The following SRGAP2 variants were observed in gnomAD, a reference collection of about 807,000 sequenced individuals.
The protein encoded by SRGAP2 is SLIT-ROBO Rho GTPase-activating protein 2.
A neutral mutation model predicts 57.2 loss-of-function variants in SRGAP2; 15 were observed. The ratio of observed to expected loss-of-function variants is 0.26; its 90% CI spans 0.18 to 0.40. SRGAP2 has a LOEUF of 0.40. SRGAP2 is among the 10% of genes least tolerant of loss of function. The probability of loss-of-function intolerance (pLI) is 1.00; values close to 1 mark genes in which losing one functional copy is unlikely to be tolerated. For synonymous variants in SRGAP2, 249 were observed against 248.0 expected (o/e 1.00, Z -0.04); for missense variants, 520 against 669.6 (o/e 0.78, Z 2.47).
In SRGAP2 at chr1:206,453,483, G is replaced by A. The variant is rs557883003; in HGVS notation, c.2360+103G>A. The A allele has an allele frequency of 7.4e-4, 349 of 468,718 alleles. 2 individuals are homozygous for A. Among genetic ancestry groups the A allele is most frequent in the African/African-American group, 6.4e-3 (312 of 49,054 alleles). 29.0% of individuals were successfully genotyped at this position (468,718 alleles called of 1,614,324 possible). A position where few individuals can be genotyped will look rare whatever the true frequency, so the allele number is the denominator to read the frequency against. On this transcript the variant is annotated intron_variant, in intron 20 of 22. Coordinates refer to ENST00000573034, the MANE Select transcript of SRGAP2 (RefSeq NM_015326.5). ...GGACTATGAGGGAGGCCAACCCCTG[G>A]GGGGTCCAGTGCAGTCCTGAGGCTC... is the stretch of plus-strand genomic sequence containing the variant.
At chr1:206,373,205 C>T (rs547045029) in intron 4 of SRGAP2, among the ~76,000 whole-genome samples, 72 of 144,868 alleles carry the variant, frequency 5.0e-4, no homozygotes, top group African/African-American at 1.7e-3. Context: ...AAGCAGTTCT[C>T]CCGCCTCAGC....
At chr1:206,420,544 G>T (rs1282305338) in intron 12 of SRGAP2, among the ~76,000 whole-genome samples, 3 of 152,150 alleles carry the variant, frequency 2.0e-5, no homozygotes, top group African/African-American at 4.8e-5. Context: ...TAGATTCAAG[G>T]TGTCGTAGGA....
intron 1 of SRGAP2, chr1:206,205,158 C>G (rs1665799289): frequency 6.6e-6 from 1 of 152,270 alleles, no homozygotes. Context: ...GCCGAGGTGC[C>G]GCAGTCCCCG....
intron 14 of SRGAP2, among the ~76,000 whole-genome samples, chr1:206,432,902 G>A (rs1160350075): frequency 2.0e-5 from 3 of 152,152 alleles, no homozygotes; most frequent in African/African-American, 7.2e-5. Flanking sequence ...TGGTAATCAC[G>A]TGGCTGACTG....
chr1:206,429,664 G>A (rs568722233), intron 13 of SRGAP2, among the ~76,000 whole-genome samples: 5 of 152,370 alleles, frequency 3.3e-5, no homozygotes, highest in African/African-American at 1.2e-4. Flanking sequence ...TGGCATGCAA[G>A]GCCGTGTAAG....
At chr1:206,229,931 TACACACACAC>T (rs66901207) in intron 2 of SRGAP2, among the ~76,000 whole-genome samples, 3 of 141,662 alleles carry the variant, frequency 2.1e-5, no homozygotes, top group Non-Finnish European at 3.1e-5. Context: ...TACACATACA[TACACACACAC>T]ACACACACAC....
intron 1 of SRGAP2, chr1:206,204,912 C>CT (rs1376701644): frequency 1.5e-5 from 2 of 136,504 alleles, no homozygotes; most frequent in African/African-American, 3.3e-5. Flanking sequence ...GATTTGCCCC[C>CT]CCCCCCATCA....
chr1:206,333,220 T>A (rs1674507829), intron 3 of SRGAP2: 1 of 629,016 alleles, frequency 1.6e-6, no homozygotes, highest in African/African-American at 1.9e-5. Context: ...AAAGCTCAGA[T>A]GGAAATGCAG....
At chr1:206,273,575 C>CT (rs1464070879) in intron 2 of SRGAP2, among the ~76,000 whole-genome samples, 5 of 147,558 alleles carry the variant, frequency 3.4e-5, no homozygotes, top group Non-Finnish European at 7.4e-5. Context: ...GCTCCCTGGA[C>CT]TTTTGCTCTT....
chr1:206,227,376 G>A (rs1667340790), intron 2 of SRGAP2, among the ~76,000 whole-genome samples: 1 of 152,200 alleles, frequency 6.6e-6, no homozygotes, highest in African/African-American at 2.4e-5. Flanking sequence ...GCCATCATCT[G>A]CTAATTTCAC....
rs571104217 is a variant in SRGAP2 at position 206,424,635 on chromosome 1, A to G, written c.1494+3361A>G. 1.1e-4 allele frequency among the ~76,000 whole-genome samples: 16 copies of G among 152,348 alleles called. No individual in the cohort carries two copies. The South Asian group carries it at 2.9e-3, about 28-fold the overall frequency. On this transcript the variant is annotated intron_variant, in intron 13 of 22. Coordinates refer to ENST00000573034, the MANE Select transcript of SRGAP2 (RefSeq NM_015326.5). ...ATGCCATTGTACTCCAGCCTGGGTG[A>G]CAAGAGAGAGACTCTGTCCCAAAAT...
At position 206,389,827 on chromosome 1, in the gene SRGAP2, T is replaced by C. The variant is rs544831278; in HGVS notation, c.487-2862T>C. ...TTGCAGAACTGAGAATTTAGACTTT[T>C]CAGTTTTTCCCCATAGTTTGCATTT... On this transcript the variant is annotated intron_variant, in intron 5 of 22. Transcript: ENST00000573034. 1.6e-4 allele frequency among the ~76,000 whole-genome samples: 24 copies of C among 150,134 alleles called. No homozygotes were observed. The East Asian group carries it at 4.7e-3, about 29-fold the overall frequency.
chr1:206,433,748 C>T (rs1553369072), intron 14 of SRGAP2, among the ~76,000 whole-genome samples: 1 of 151,832 alleles, frequency 6.6e-6, no homozygotes, highest in African/African-American at 2.4e-5. Context: ...ATAACGTAAC[C>T]ACAATGAAGA....
rs1234339175 is a variant in SRGAP2, at chr1:206,289,026, C to CTT, written c.68-14248_68-14247dup. Among the ~76,000 whole-genome samples, 23 of 42,250 alleles carry CTT rather than the reference C, an allele frequency of 5.4e-4. No homozygotes were observed. In the East Asian group the frequency reaches 0.012, roughly 23 times the overall value. 27.7% of individuals were successfully genotyped at this position (42,250 alleles called of 152,430 possible). ...TGCATTTATTGTGAGTCTCTTAAGC[C>CTT]TTTTTTTTACACACCATTAATTAGA... On this transcript the variant is annotated intron_variant, in intron 2 of 22. Coordinates refer to ENST00000573034, the MANE Select transcript of SRGAP2 (RefSeq NM_015326.5).
intron 4 of SRGAP2, among the ~76,000 whole-genome samples, chr1:206,370,005 C>T (rs1553342305): frequency 6.6e-6 from 1 of 151,182 alleles, no homozygotes; most frequent in African/African-American, 2.4e-5. Flanking sequence ...GTGGCTCACG[C>T]CTGTAATCCC....
intron 2 of SRGAP2, among the ~76,000 whole-genome samples, chr1:206,283,937 G>A (rs1272013990): frequency 1.2e-4 from 15 of 126,622 alleles, no homozygotes; most frequent in Non-Finnish European, 6.4e-5. Context: ...TTATGTAAGC[G>A]TGTGATTTGT....
intron 22 of SRGAP2, among the ~76,000 whole-genome samples, chr1:206,459,264 A>C (rs564130836): frequency 1.3e-5 from 2 of 152,280 alleles, no homozygotes; most frequent in African/African-American, 4.8e-5. Context: ...TTTGAGTCTA[A>C]AGACCTTGGT....
At chr1:206,351,194 AGAG>A (rs1423669994) in intron 4 of SRGAP2, among the ~76,000 whole-genome samples, 2 of 151,996 alleles carry the variant, frequency 1.3e-5, no homozygotes, top group African/African-American at 2.4e-5. Context: ...ATAAATAAGA[AGAG>A]GAGAAGTGGT....
intron 3 of SRGAP2, among the ~76,000 whole-genome samples, chr1:206,309,105 A>G (rs1407637146): frequency 1.4e-4 from 20 of 144,916 alleles, no homozygotes; most frequent in African/African-American, 5.4e-4. Context: ...GTTGGAGCCT[A>G]CAGTGAGCTA....
Sources: allele counts gnomAD v4.1 joint callset (sites outside exome capture counted in the v4.1 genomes callset), GRCh38; gene constraint gnomAD v4.1.1; transcripts MANE v1.5; gene names NCBI Gene and HGNC (gene_info 2026-07-23, HGNC 2026-07-21).